CRLS1: variants seen among roughly 807,000 people sequenced by gnomAD.
CRLS1 encodes the protein cardiolipin synthase 1.
Under a neutral mutation model 37.0 loss-of-function variants are expected in CRLS1, and 24 were observed. That is an observed-to-expected ratio of 0.65 (90% confidence interval 0.47 to 0.91). The LOEUF (loss-of-function observed/expected upper bound fraction) is 0.91, where lower values mean the gene tolerates loss of function less well. Ranked by LOEUF, CRLS1 falls within the 40% of genes least tolerant of loss-of-function variation. The probability of loss-of-function intolerance (pLI) is 0.00; values close to 1 mark genes in which losing one functional copy is unlikely to be tolerated. For missense variants in CRLS1, 373 were observed against 395.8 expected, an observed-to-expected ratio of 0.94 and a Z score of 0.49; for synonymous variants, 135 against 159.7, an observed-to-expected ratio of 0.85 and a Z score of 1.17.
chr20:6,010,348 C>T (rs2090117220), intron 2 of CRLS1, among the ~76,000 whole-genome samples: 1 of 152,170 alleles, frequency 6.6e-6, no homozygotes, highest in African/African-American at 2.4e-5. Flanking sequence ...TGTTATGACC[C>T]AGGGAACTGG....
At chr20:6,007,346 T>G in intron 1 of CRLS1, 1 of 1,611,384 alleles carries the variant, frequency 6.2e-7, no homozygotes, top group Non-Finnish European at 8.5e-7. Flanking sequence ...CTGGATACTT[T>G]GAAGTTGCCA....
At chr20:6,007,536 C>G (rs1568613382) in intron 1 of CRLS1, 2 of 910,594 alleles carry the variant, frequency 2.2e-6, no homozygotes, top group African/African-American at 1.7e-5. Context: ...AAAAAGAACT[C>G]CCTTCACTGT....
intron 3 of CRLS1, among the ~76,000 whole-genome samples, chr20:6,019,763 G>A (rs1979095718): frequency 6.9e-6 from 1 of 144,072 alleles, no homozygotes; most frequent in Admixed American, 7.3e-5. Flanking sequence ...CTGGGTTCAT[G>A]TGATTCTCCT....
chr20:6,009,792 A>G lies in CRLS1; in HGVS notation c.324A>G (p.Thr108=). Residue 108 remains threonine (T), a synonymous_variant, in exon 2 of 7, where the codon ACA becomes ACG. Transcript: ENST00000378863. ...STPSLYENPW[T]IPNMLSMTRI... is the part of the protein sequence containing the mutation. Reference sequence around the variant, plus strand: ...TGTTTCAGTATGAAAACCCATGGACAATCCCGAATATGTTGTCAATGACGA... The same window carrying G: ...TGTTTCAGTATGAAAACCCATGGACGATCCCGAATATGTTGTCAATGACGA... 3 of 1,613,514 alleles carry G rather than the reference A, an allele frequency of 1.9e-6. No individual in the cohort carries two copies. The highest frequency in any genetic ancestry group is 2.5e-6 in the Non-Finnish European group (3 of 1,179,674).
At position 6,037,339 on chromosome 20, in the gene CRLS1, C is replaced by G. The variant is rs1980631611; in HGVS notation, c.*181C>G. 2.6e-6 allele frequency: 1 copy of G among 389,388 alleles called. No individual in the cohort carries two copies. Among genetic ancestry groups the G allele is most frequent in the African/African-American group, 2.1e-5 (1 of 48,426 alleles). The allele number at this position is 389,388 out of a possible 1,614,324, so 24.1% of individuals were successfully genotyped here. A position where few individuals can be genotyped will look rare whatever the true frequency, so the allele number is the denominator to read the frequency against. On this transcript the variant is annotated 3_prime_UTR_variant, in exon 7 of 7. Transcript: ENST00000378863. ...AAATAAGGTTGATCATGGGAATATGCAGAATTTCCAATGTATTTTTAAATA... is the reference window on the plus strand; with the variant it reads ...AAATAAGGTTGATCATGGGAATATGGAGAATTTCCAATGTATTTTTAAATA...
chr20:6,034,573 T>A lies in CRLS1; in HGVS notation c.821+18T>A. On this transcript the variant is annotated intron_variant, in intron 6 of 6. Coordinates refer to ENST00000378863, the MANE Select transcript of CRLS1 (RefSeq NM_019095.6). ...ATACTATGGTAAGCTAAATTTAGAA[T>A]CACTCTCTTAGAATGTCAACAGAAT... is the stretch of plus-strand genomic sequence containing the variant. The A allele has an allele frequency of 2.0e-6, 3 of 1,529,234 alleles. No homozygotes were observed. The highest frequency in any genetic ancestry group is 2.2e-5 in the East Asian group (1 of 44,540). The allele number at this position is 1,529,234 out of a possible 1,614,324, so 94.7% of individuals were successfully genotyped here.
chr20:6,017,496 A>G (rs1978851874), intron 3 of CRLS1, among the ~76,000 whole-genome samples: 1 of 152,204 alleles, frequency 6.6e-6, no homozygotes, highest in Non-Finnish European at 1.5e-5. Context: ...GACTCAGTGC[A>G]AGGTAATTTC....
In CRLS1 at chr20:6,037,231, G is replaced by T; in HGVS notation, c.*73G>T. ...GAACAGGGCCCATGGAAATGTACAG[G>T]AGTTTCCCTATTTTGGTGTTCAGCT... On this transcript the variant is annotated 3_prime_UTR_variant, in exon 7 of 7. Transcript: ENST00000378863. 1.9e-6 allele frequency: 2 copies of T among 1,061,072 alleles called. No individual in the cohort carries two copies. The highest frequency in any genetic ancestry group is 3.7e-5 in the South Asian group (2 of 54,478). The allele number at this position is 1,061,072 out of a possible 1,614,324, so 65.7% of individuals were successfully genotyped here.
chr20:6,023,057 T>G (rs1239852708), intron 3 of CRLS1, among the ~76,000 whole-genome samples: 1 of 152,230 alleles, frequency 6.6e-6, no homozygotes, highest in African/African-American at 2.4e-5. Flanking sequence ...TATTGTATTC[T>G]GTAACTATAG....
At chr20:6,031,902 T>C (rs1489822530) in intron 4 of CRLS1, 110 bp from the exon 5 acceptor site, 1 of 766,810 alleles carries the variant, frequency 1.3e-6, no homozygotes, top group Non-Finnish European at 2.2e-6. Flanking sequence ...GAATGTATGA[T>C]TTATAAAGTT....
chr20:6,035,695 C>G (rs1463954418), intron 6 of CRLS1, among the ~76,000 whole-genome samples: 2 of 152,170 alleles, frequency 1.3e-5, no homozygotes, highest in African/African-American at 4.8e-5. Flanking sequence ...GATCATAGCT[C>G]ACTGTAACCT....
chr20:6,007,286 G>A, intron 1 of CRLS1: 1 of 1,563,224 alleles, frequency 6.4e-7, no homozygotes, highest in Non-Finnish European at 8.7e-7. Context: ...GCCAGATCCT[G>A]GCAGGGGTCT....
rs201759785 is a variant in CRLS1 at position 6,032,018 on chromosome 20, C to A, written c.667C>A (p.Leu223Ile). ...RYRTLPTPRT[L>I]AKYFNPCYAT... ...TTTTTTGGTCCTCTGCCAGCGAACA[C>A]TTGCCAAGTATTTCAATCCTTGCTA... The change falls in exon 5 of 7, where the codon CTT becomes ATT. Residue 223 changes from leucine (L) to isoleucine (I), a missense_variant. Physicochemically the swap from Leu to Ile is conservative, Grantham distance 5 (BLOSUM62 2). Coordinates refer to ENST00000378863, the MANE Select transcript of CRLS1 (RefSeq NM_019095.6). 1.2e-6 allele frequency: 2 copies of A among 1,612,284 alleles called. No homozygotes were observed. The highest frequency in any genetic ancestry group is 1.7e-6 in the Non-Finnish European group (2 of 1,178,794).
chr20:6,036,597 G>A (rs984734691), intron 6 of CRLS1, among the ~76,000 whole-genome samples: 5 of 152,218 alleles, frequency 3.3e-5, no homozygotes, highest in African/African-American at 1.2e-4. Flanking sequence ...GAGCATGTGG[G>A]CTTTAGAGTT....
intron 3 of CRLS1, among the ~76,000 whole-genome samples, chr20:6,021,311 C>T (rs1979271639): frequency 1.3e-5 from 2 of 152,246 alleles, no homozygotes; most frequent in South Asian, 4.1e-4. Flanking sequence ...AAGTGATCTG[C>T]CCGCCTCGGC....
intron 3 of CRLS1, chr20:6,026,345 A>G (rs6076912): frequency 0.19 from 26,310 of 139,322 alleles, 2,496 homozygotes; most frequent in Middle Eastern, 0.32. Flanking sequence ...GTGTGTGTAT[A>G]TATATATATT....
Position 6,006,176 on chromosome 20 carries a change from G to A in CRLS1, c.-71G>A. 1 of 917,452 alleles carries A rather than the reference G, an allele frequency of 1.1e-6. No homozygotes were observed. The highest frequency in any genetic ancestry group is 1.4e-6 in the Non-Finnish European group (1 of 707,100). 56.8% of individuals were successfully genotyped at this position (917,452 alleles called of 1,614,324 possible). A position where few individuals can be genotyped will look rare whatever the true frequency, so the allele number is the denominator to read the frequency against. On this transcript the variant is annotated 5_prime_UTR_variant, in exon 1 of 7. Coordinates refer to ENST00000378863, the MANE Select transcript of CRLS1 (RefSeq NM_019095.6). ...TGAGTGGTTGCCGGGTCTCCATGGA[G>A]AAGCGGCTCGCCAGTGTCCCAGGCT...
chr20:6,034,287 C>G (rs1980390930), intron 5 of CRLS1, among the ~76,000 whole-genome samples, 177 bp from the exon 6 acceptor site: 1 of 152,162 alleles, frequency 6.6e-6, no homozygotes, highest in African/African-American at 2.4e-5. Context: ...GAAGCTGACC[C>G]TTTTGTGTGT....
At chr20:6,024,639 G>A (rs1192263953) in intron 3 of CRLS1, among the ~76,000 whole-genome samples, 1 of 152,240 alleles carries the variant, frequency 6.6e-6, no homozygotes, top group Non-Finnish European at 1.5e-5. Context: ...ATTAAGCTTA[G>A]TGAGGAGGGC....
Sources: gnomAD v4.1 joint callset for allele counts (sites outside exome capture counted in the v4.1 genomes callset) on GRCh38, gnomAD v4.1.1 for gene constraint, MANE v1.5 for transcripts, NCBI Gene and HGNC (gene_info 2026-07-23, HGNC 2026-07-21) for gene names.